Variants in UNC80 observed in about 807,000 individuals in gnomAD.
The protein encoded by UNC80 is protein unc-80 homolog.
A neutral mutation model predicts 384.6 loss-of-function variants in UNC80; 164 were observed. The observed-to-expected ratio is 0.43, with a 90% CI of 0.38 to 0.49. The LOEUF (loss-of-function observed/expected upper bound fraction) is 0.49. Ranked by LOEUF, UNC80 falls within the 20% of genes least tolerant of loss-of-function variation. The probability of loss-of-function intolerance (pLI) is 0.00; values close to 1 mark genes in which losing one functional copy is unlikely to be tolerated. For synonymous variants in UNC80, 1,486 were observed against 1,527.8 expected (o/e 0.97, Z 0.64); for missense variants, 3,330 against 4,143.0 (o/e 0.80, Z 5.39).
At chr2:209,776,227 C>T (rs764593134) in intron 3 of UNC80, among the ~76,000 whole-genome samples, 182 bp downstream of exon 3, 18 of 152,180 alleles carry the variant, frequency 1.2e-4, no homozygotes, top group Non-Finnish European at 1.9e-4. Context: ...GATAAAGAAA[C>T]TGGCTGTCTT....
intron 22 of UNC80, among the ~76,000 whole-genome samples, chr2:209,871,270 GAAACTA>G (rs2084269937): frequency 6.6e-6 from 1 of 152,142 alleles, no homozygotes; most frequent in Non-Finnish European, 1.5e-5. Context: ...ATGCCAAAGA[GAAACTA>G]GCATAGGACC....
intron 22 of UNC80, among the ~76,000 whole-genome samples, chr2:209,865,456 G>C (rs1352200176): frequency 6.6e-6 from 1 of 151,954 alleles, no homozygotes; most frequent in Non-Finnish European, 1.5e-5. Context: ...CAAAAAATTA[G>C]CCAGGCGTTG....
Position 209,913,816 on chromosome 2 carries a change from G to A in UNC80, c.4905G>A (p.Ser1635=), listed in dbSNP as rs1041668445. 1.8e-5 allele frequency: 28 copies of A among 1,547,258 alleles called. No homozygotes were observed. The highest frequency in any genetic ancestry group is 2.2e-5 in the Non-Finnish European group (25 of 1,143,728). ...TCTTTTCCCAGGTGATGAGCTTGTC[G>A]CCTGCTCCCTTATCTCTGTTAATCA... ...KYIRLQVMSL[S]PAPLSLLIKA... is the part of the protein sequence containing the mutation. Residue 1635 remains serine (S), a synonymous_variant, in exon 31 of 65, where the codon TCG becomes TCA. Coordinates refer to ENST00000673920, the MANE Select transcript of UNC80 (RefSeq NM_001371986.1).
chr2:209,909,657 A>G (rs1006805082), intron 29 of UNC80, among the ~76,000 whole-genome samples: 15 of 152,180 alleles, frequency 9.9e-5, no homozygotes, highest in Non-Finnish European at 2.9e-5. Flanking sequence ...GCCAAACACC[A>G]CAAGTGATAA....
At chr2:209,808,744 A>C in intron 7 of UNC80, 2 of 43,360 alleles carry the variant, frequency 4.6e-5, no homozygotes, top group Admixed American at 5.2e-4. Flanking sequence ...GGCTCGGCCT[A>C]GTGAGTGGGT....
At chr2:209,841,558 G>T (rs756481531) in intron 20 of UNC80, among the ~76,000 whole-genome samples, 5 of 151,956 alleles carry the variant, frequency 3.3e-5, no homozygotes, top group Non-Finnish European at 5.9e-5. Flanking sequence ...CACCATGTTG[G>T]CCAGGATGGT....
chr2:209,864,300 C>A (rs1451323185), intron 22 of UNC80, among the ~76,000 whole-genome samples: 1 of 152,060 alleles, frequency 6.6e-6, no homozygotes, highest in Non-Finnish European at 1.5e-5. Context: ...GTCTGACAAC[C>A]CCTGTTGGAG....
chr2:209,849,484 A>T lies in UNC80; in HGVS notation c.3488A>T (p.Asn1163Ile). ...CHSFDDHLSP[N>I]QDGGKSKNVV... ...AGTTTTGATGATCATCTCTCTCCCA[A>T]CCAAGATGGTGGAAAAAGCAAAAAC... Residue 1163 changes from asparagine to isoleucine, a missense_variant, in exon 22 of 65, where the codon AAC becomes ATC. Physicochemically the swap from Asn to Ile is moderately radical, Grantham distance 149. This residue lies in a region of UNC80 where 801 missense variants were observed against 950.8 expected (regional missense o/e 0.84). Coordinates refer to ENST00000673920, the MANE Select transcript of UNC80 (RefSeq NM_001371986.1). The T allele has an allele frequency of 6.4e-7, 1 of 1,550,924 alleles. No individual in the cohort carries two copies. Among genetic ancestry groups the T allele is most frequent in the Non-Finnish European group, 8.7e-7 (1 of 1,146,476 alleles).
chr2:209,802,403 A>T (rs1047883657), intron 7 of UNC80, among the ~76,000 whole-genome samples: 1 of 152,238 alleles, frequency 6.6e-6, no homozygotes, highest in Non-Finnish European at 1.5e-5. Context: ...AAAACATCAC[A>T]TTGTACTTCA....
chr2:209,772,025 G>T lies in UNC80; in HGVS notation c.-48G>T. 1 of 1,404,354 alleles carries T rather than the reference G, an allele frequency of 7.1e-7. No individual in the cohort carries two copies. Among genetic ancestry groups the T allele is most frequent in the South Asian group, 1.2e-5 (1 of 81,230 alleles). The allele number at this position is 1,404,354 out of a possible 1,614,324, so 87.0% of individuals were successfully genotyped here. On this transcript the variant is annotated 5_prime_UTR_variant, in exon 1 of 65. Coordinates refer to ENST00000673920, the MANE Select transcript of UNC80 (RefSeq NM_001371986.1). ...GGAGGAGGCGGCGGCGGCGGCTAGC[G>T]AGGAGACAGAGCTGGGTCCTGCAGT...
intron 31 of UNC80, 100 bp downstream of exon 31, chr2:209,914,040 G>T (rs1010641069): frequency 8.0e-5 from 112 of 1,397,124 alleles, no homozygotes; most frequent in Non-Finnish European, 9.7e-5. Context: ...TTTGCTCCTA[G>T]GTCAAGTTAA....
rs2085246210 is a variant in UNC80, at chr2:209,881,083, G to C, written c.4099G>C (p.Glu1367Gln). Reference protein sequence around the residue: ...TFSCLPRPRTEPLVDLESCRL... With the variant: ...TFSCLPRPRTQPLVDLESCRL... Reference sequence around the variant, plus strand: ...TTCTTGCCTGCCCAGACCTCGCACTGAGCCTCTGGTGGTAAGTTAAAGCAT... The same window carrying C: ...TTCTTGCCTGCCCAGACCTCGCACTCAGCCTCTGGTGGTAAGTTAAAGCAT... Residue 1367 changes from glutamate to glutamine, a missense_variant, in exon 25 of 65, where the codon GAG becomes CAG. Transcript: ENST00000673920. The C allele has an allele frequency of 6.4e-7, 1 of 1,551,658 alleles. No individual in the cohort carries two copies. The highest frequency in any genetic ancestry group is 2.0e-5 in the Admixed American group (1 of 51,000).
intron 15 of UNC80, among the ~76,000 whole-genome samples, chr2:209,831,220 G>A (rs974611345): frequency 6.6e-6 from 1 of 151,524 alleles, no homozygotes; most frequent in Non-Finnish European, 1.5e-5. Context: ...AAACCATTCC[G>A]GAAATGCAAT....
intron 35 of UNC80, among the ~76,000 whole-genome samples, chr2:209,925,521 C>G (rs1040971958): frequency 3.3e-5 from 5 of 152,166 alleles, no homozygotes; most frequent in African/African-American, 9.7e-5. Context: ...GGGTGGCCAG[C>G]TTTTATTCCC....
chr2:209,813,621 C>T lies in UNC80; in HGVS notation c.980C>T (p.Ala327Val). 6.4e-7 allele frequency: 1 copy of T among 1,551,862 alleles called. No individual in the cohort carries two copies. Among genetic ancestry groups the T allele is most frequent in the Non-Finnish European group, 8.7e-7 (1 of 1,147,030 alleles). The part of the protein sequence containing the change: ...VIPPCQRSRY[A>V]TYFDVAVLRC... ...CCTCCGTGCCAAAGGTCCCGCTATG[C>T]CACCTACTTTGACGTTGCTGTTCTG... The change falls in exon 8 of 65, where the codon GCC becomes GTC. Residue 327 changes from alanine (A) to valine (V), a missense_variant. Ala to Val is a moderately conservative substitution (Grantham distance 64). Coordinates refer to ENST00000673920, the MANE Select transcript of UNC80 (RefSeq NM_001371986.1).
chr2:209,994,747 CT>C (rs1340766024), intron 64 of UNC80, among the ~76,000 whole-genome samples: 1 of 152,104 alleles, frequency 6.6e-6, no homozygotes, highest in Non-Finnish European at 1.5e-5. Flanking sequence ...ATCCAAAGCA[CT>C]TGTGTTTCCA....
chr2:209,979,009 G>A (rs2093085389), intron 59 of UNC80, among the ~76,000 whole-genome samples: 1 of 152,184 alleles, frequency 6.6e-6, no homozygotes, highest in African/African-American at 2.4e-5. Context: ...AGCACTTTGG[G>A]AGGCCGAGGC....
At chr2:209,880,867 G>T in intron 24 of UNC80, 94 bp from the exon 25 acceptor site, 4 of 1,221,330 alleles carry the variant, frequency 3.3e-6, no homozygotes, top group South Asian at 3.0e-5. Flanking sequence ...TATGCAATTT[G>T]ATTCTATACA....
At chr2:209,898,550 T>C (rs2087038813) in intron 28 of UNC80, among the ~76,000 whole-genome samples, 1 of 152,180 alleles carries the variant, frequency 6.6e-6, no homozygotes, top group Admixed American at 6.6e-5. Flanking sequence ...GATACAGGCA[T>C]GTAATATGAA....
Sources: gnomAD v4.1 joint callset for allele counts (sites outside exome capture counted in the v4.1 genomes callset) on GRCh38, gnomAD v4.1.1 for gene constraint, gnomAD v4.1.1 regional missense constraint, MANE v1.5 for transcripts, NCBI Gene and HGNC (gene_info 2026-07-23, HGNC 2026-07-21) for gene names.